MAGI2: variants seen among roughly 807,000 people sequenced by gnomAD.
The protein encoded by MAGI2 is membrane associated guanylate kinase, WW and PDZ domain containing 2.
Under a neutral mutation model 133.3 loss-of-function variants are expected in MAGI2, and 35 were observed. That is an observed-to-expected ratio of 0.26 (90% CI 0.20 to 0.35). MAGI2 has a LOEUF of 0.35. Ranked by LOEUF, MAGI2 falls within the 10% of genes least tolerant of loss-of-function variation. MAGI2 has a pLI of 1.00. For synonymous variants in MAGI2, 729 were observed against 710.6 expected (o/e 1.03, Z -0.41); for missense variants, 1,636 against 1,863.4 (o/e 0.88, Z 2.25).
intron 1 of MAGI2, among the ~76,000 whole-genome samples, chr7:79,311,130 G>A (rs898372781): frequency 1.3e-4 from 20 of 151,848 alleles, no homozygotes; most frequent in Non-Finnish European, 2.6e-4. Context: ...CATCAAAACT[G>A]CTCATAAAAG....
At chr7:78,401,766 T>G (rs1796891049) in intron 6 of MAGI2, among the ~76,000 whole-genome samples, 1 of 152,182 alleles carries the variant, frequency 6.6e-6, no homozygotes, top group Non-Finnish European at 1.5e-5. Flanking sequence ...GATAAATAAG[T>G]ATTTTCTCCT....
At chr7:78,500,283 A>G (rs1236659147) in intron 5 of MAGI2, among the ~76,000 whole-genome samples, 2 of 152,246 alleles carry the variant, frequency 1.3e-5, no homozygotes, top group Admixed American at 1.3e-4. Context: ...TCCAGGTTGG[A>G]AAAGAAAATC....
chr7:78,469,819 C>T (rs933214962), intron 6 of MAGI2, among the ~76,000 whole-genome samples: 2 of 152,118 alleles, frequency 1.3e-5, no homozygotes, highest in Admixed American at 6.6e-5. Context: ...TTTCCTTCCC[C>T]TCATCTTTCC....
chr7:78,381,694 G>T (rs549015565), intron 6 of MAGI2, among the ~76,000 whole-genome samples: 1 of 152,238 alleles, frequency 6.6e-6, no homozygotes, highest in South Asian at 2.1e-4. Context: ...CCTTAAATGG[G>T]TAAAGATGTT....
At chr7:78,437,606 A>T (rs1435373648) in intron 6 of MAGI2, among the ~76,000 whole-genome samples, 1 of 152,192 alleles carries the variant, frequency 6.6e-6, no homozygotes, top group East Asian at 1.9e-4. Context: ...TGAAGAGGTA[A>T]TACCAGCACC....
At chr7:79,246,028 G>A (rs903518464) in intron 1 of MAGI2, among the ~76,000 whole-genome samples, 3 of 152,166 alleles carry the variant, frequency 2.0e-5, no homozygotes, top group African/African-American at 7.2e-5. Context: ...GACCACCAGG[G>A]CAGTAACATA....
At chr7:78,856,819 T>A (rs1383683284) in intron 2 of MAGI2, among the ~76,000 whole-genome samples, 1 of 152,218 alleles carries the variant, frequency 6.6e-6, no homozygotes, top group Admixed American at 6.5e-5. Context: ...GGGGATGGCA[T>A]TGAATCTATA....
intron 2 of MAGI2, among the ~76,000 whole-genome samples, chr7:78,696,309 A>G (rs73147034): frequency 0.051 from 7,823 of 152,234 alleles, 281 homozygotes; most frequent in Non-Finnish European, 0.077. Context: ...CAACTTCTTA[A>G]AAGCAAATTT....
chr7:79,323,422 G>A (rs1839352594), intron 1 of MAGI2, among the ~76,000 whole-genome samples: 1 of 152,178 alleles, frequency 6.6e-6, no homozygotes, highest in Non-Finnish European at 1.5e-5. Context: ...TAGAAGTATG[G>A]AGCAGTTTAA....
intron 2 of MAGI2, among the ~76,000 whole-genome samples, chr7:78,943,627 G>C (rs146890510): frequency 1.3e-5 from 2 of 152,038 alleles, no homozygotes; most frequent in Non-Finnish European, 2.9e-5. Context: ...TAGGAACAGA[G>C]AACATTTCTT....
At chr7:79,220,174 C>T (rs577299875) in intron 1 of MAGI2, among the ~76,000 whole-genome samples, 1 of 152,048 alleles carries the variant, frequency 6.6e-6, no homozygotes, top group South Asian at 2.1e-4. Context: ...ACATTTGTGT[C>T]CTTTTCTATC....
intron 1 of MAGI2, among the ~76,000 whole-genome samples, chr7:79,027,333 T>C (rs1165016811): frequency 6.7e-6 from 1 of 149,442 alleles, no homozygotes; most frequent in Non-Finnish European, 1.5e-5. Flanking sequence ...ATATTATATA[T>C]ATATTTAATA....
chr7:79,099,058 G>A (rs1230475114), intron 1 of MAGI2, among the ~76,000 whole-genome samples: 5 of 152,130 alleles, frequency 3.3e-5, no homozygotes, highest in Non-Finnish European at 7.3e-5. Context: ...TATGAAAGGA[G>A]ACTTTAGGGA....
At chr7:78,425,913 A>G (rs1333951426) in intron 6 of MAGI2, among the ~76,000 whole-genome samples, 1 of 152,240 alleles carries the variant, frequency 6.6e-6, no homozygotes, top group East Asian at 1.9e-4. Flanking sequence ...AGCACTCTTT[A>G]AAGAAAAATA....
At chr7:78,076,441 A>G (rs1815301082) in intron 21 of MAGI2, among the ~76,000 whole-genome samples, 1 of 144,922 alleles carries the variant, frequency 6.9e-6, no homozygotes, top group South Asian at 2.3e-4. Context: ...TCTGGGCGAC[A>G]GAGACCTTGT....
chr7:78,425,976 T>C (rs1467862234), intron 6 of MAGI2, among the ~76,000 whole-genome samples: 1 of 152,184 alleles, frequency 6.6e-6, no homozygotes, highest in Non-Finnish European at 1.5e-5. Flanking sequence ...ACCAAAATTG[T>C]GACCTGTAGT....
At chr7:79,193,208 C>G (rs1320464328) in intron 1 of MAGI2, among the ~76,000 whole-genome samples, 1 of 151,858 alleles carries the variant, frequency 6.6e-6, no homozygotes, top group Non-Finnish European at 1.5e-5. Flanking sequence ...GTAAGAATGA[C>G]CAAGGAACCT....
rs59728410 is a variant in MAGI2, at chr7:79,150,258, T to TA, written c.302-143053dup. ...CTAAATAAAATGGTAAATTTACGGT[T>TA]AAAAAAAAAAACCCTTAAGGCACAC... On this transcript the variant is annotated intron_variant, in intron 1 of 21. Transcript: ENST00000354212. 6.5e-3 allele frequency among the ~76,000 whole-genome samples: 961 copies of TA among 147,856 alleles called. 2 individuals carry two copies. The highest frequency in any genetic ancestry group is 0.011 in the African/African-American group (457 of 40,406).
At chr7:79,402,121 G>T (rs975820446) in intron 1 of MAGI2, among the ~76,000 whole-genome samples, 6 of 152,008 alleles carry the variant, frequency 3.9e-5, no homozygotes, top group Admixed American at 1.3e-4. Flanking sequence ...GTATTAAGCA[G>T]ATATCCTTTT....
Sources: gnomAD v4.1 joint callset for allele counts (sites outside exome capture counted in the v4.1 genomes callset) on GRCh38, gnomAD v4.1.1 for gene constraint, MANE v1.5 for transcripts, NCBI Gene and HGNC (gene_info 2026-07-23, HGNC 2026-07-21) for gene names.